The following GRM7 variants were observed in gnomAD, a reference collection of about 807,000 sequenced individuals.
GRM7 encodes metabotropic glutamate receptor 7.
In GRM7, 35 loss-of-function variants were observed where a neutral mutation model predicts 84.5. The ratio of observed to expected loss-of-function variants is 0.41; its 90% CI spans 0.32 to 0.55. GRM7 has a LOEUF of 0.55. Ranked by LOEUF, GRM7 falls within the 20% of genes least tolerant of loss-of-function variation. The probability of loss-of-function intolerance (pLI) is 0.19; values close to 1 mark genes in which losing one functional copy is unlikely to be tolerated. For synonymous variants in GRM7, 487 were observed against 455.1 expected (o/e 1.07, Z -0.89); for missense variants, 1,003 against 1,194.6 (o/e 0.84, Z 2.36).
At chr3:7,118,367 G>GCAA (rs1693111302) in intron 1 of GRM7, among the ~76,000 whole-genome samples, 1 of 151,700 alleles carries the variant, frequency 6.6e-6, no homozygotes, top group South Asian at 2.1e-4. Flanking sequence ...TCCAGCTTGG[G>GCAA]CAACAGCATG....
chr3:7,442,784 T>G (rs779867), intron 5 of GRM7, among the ~76,000 whole-genome samples: 1 of 151,956 alleles, frequency 6.6e-6, no homozygotes, highest in South Asian at 2.1e-4. Context: ...TCTGTAAGAC[T>G]TGACATGAGA....
chr3:7,343,235 T>TTCC (rs1389911192), intron 4 of GRM7, among the ~76,000 whole-genome samples: 10 of 151,858 alleles, frequency 6.6e-5, no homozygotes, highest in African/African-American at 2.4e-4. Flanking sequence ...GTTTTTTTTC[T>TTCC]TCTTCTTCTT....
chr3:7,549,878 C>G (rs1476978508), intron 7 of GRM7, among the ~76,000 whole-genome samples: 2 of 152,162 alleles, frequency 1.3e-5, no homozygotes, highest in African/African-American at 4.8e-5. Context: ...GAAATGTATT[C>G]AAATGGTCCA....
At chr3:7,384,852 G>C (rs1199987258) in intron 4 of GRM7, among the ~76,000 whole-genome samples, 1 of 152,094 alleles carries the variant, frequency 6.6e-6, no homozygotes, top group Non-Finnish European at 1.5e-5. Flanking sequence ...AAAAAAACTG[G>C]CCACACTTCC....
At chr3:6,983,763 T>A (rs1187848878) in intron 1 of GRM7, among the ~76,000 whole-genome samples, 1 of 151,886 alleles carries the variant, frequency 6.6e-6, no homozygotes, top group Non-Finnish European at 1.5e-5. Context: ...AAGCACATTA[T>A]TTTTTTTCTA....
intron 1 of GRM7, among the ~76,000 whole-genome samples, chr3:6,868,560 A>G (rs1012097507): frequency 6.6e-6 from 1 of 152,202 alleles, no homozygotes; most frequent in Non-Finnish European, 1.5e-5. Context: ...AATAAATGAG[A>G]AAAGATGTTT....
chr3:7,622,921 A>T (rs1697428581), intron 8 of GRM7, among the ~76,000 whole-genome samples: 2 of 152,212 alleles, frequency 1.3e-5, no homozygotes, highest in South Asian at 4.1e-4. Flanking sequence ...AAGCTGAAGG[A>T]GGTTCCAGGG....
chr3:7,645,691 G>A (rs577550549), intron 8 of GRM7, among the ~76,000 whole-genome samples: 2 of 152,258 alleles, frequency 1.3e-5, no homozygotes, highest in Non-Finnish European at 2.9e-5. Context: ...CTGGAGTGCA[G>A]TGTTGGAAGC....
chr3:7,006,914 A>G (rs943472046), intron 1 of GRM7, among the ~76,000 whole-genome samples: 9 of 152,224 alleles, frequency 5.9e-5, no homozygotes, highest in Non-Finnish European at 1.5e-5. Context: ...AATAATAACG[A>G]TAAATAAAGC....
chr3:7,061,750 C>T (rs1462472360), intron 1 of GRM7, among the ~76,000 whole-genome samples: 1 of 151,596 alleles, frequency 6.6e-6, no homozygotes, highest in East Asian at 1.9e-4. Flanking sequence ...CATACACAAC[C>T]TCATGTAATA....
Position 7,703,007 on chromosome 3 carries a change from C to T in GRM7, c.2698+22712C>T, listed in dbSNP as rs191911068. Among the ~76,000 whole-genome samples the T allele has an allele frequency of 2.8e-3, 427 of 152,218 alleles. 7 individuals carry two copies. The highest frequency in any genetic ancestry group is 0.021 in the Middle Eastern group (6 of 292). On this transcript the variant is annotated intron_variant, in intron 9 of 9. Coordinates refer to ENST00000357716, the MANE Select transcript of GRM7 (RefSeq NM_000844.4). Reference sequence around the variant, plus strand: ...ATGGTTCTCAGTACTGACTGCTCATCTGAATCACTTGGACACCTTTTAACA... The same window carrying T: ...ATGGTTCTCAGTACTGACTGCTCATTTGAATCACTTGGACACCTTTTAACA...
chr3:7,510,897 T>C (rs1389668454), intron 7 of GRM7, among the ~76,000 whole-genome samples: 1 of 152,168 alleles, frequency 6.6e-6, no homozygotes, highest in Non-Finnish European at 1.5e-5. Context: ...GTGGAATAAC[T>C]GTGACTGAGA....
At chr3:7,533,578 AG>A (rs992825627) in intron 7 of GRM7, among the ~76,000 whole-genome samples, 3 of 152,152 alleles carry the variant, frequency 2.0e-5, no homozygotes, top group Admixed American at 2.0e-4. Flanking sequence ...GGAGCAAGCC[AG>A]GCTCTCCAAT....
chr3:7,012,477 T>C (rs1025714584), intron 1 of GRM7, among the ~76,000 whole-genome samples: 2 of 152,048 alleles, frequency 1.3e-5, no homozygotes, highest in African/African-American at 4.8e-5. Flanking sequence ...ATAGCCCTCA[T>C]TGACATATTT....
At chr3:7,256,518 C>T (rs931826312) in intron 2 of GRM7, among the ~76,000 whole-genome samples, 8 of 152,200 alleles carry the variant, frequency 5.3e-5, no homozygotes, top group Non-Finnish European at 1.2e-4. Flanking sequence ...TGTTATGCTC[C>T]AGTAAGACAA....
intron 7 of GRM7, among the ~76,000 whole-genome samples, chr3:7,544,521 G>A (rs540717019): frequency 2.6e-5 from 4 of 152,054 alleles, no homozygotes; most frequent in Admixed American, 6.5e-5. Flanking sequence ...GGAGATCCTG[G>A]GTAGTTCCCA....
chr3:6,904,708 G>T (rs929586582), intron 1 of GRM7, among the ~76,000 whole-genome samples: 1 of 151,606 alleles, frequency 6.6e-6, no homozygotes, highest in Non-Finnish European at 1.5e-5. Flanking sequence ...TAATCATCAT[G>T]ACTTCCTTAT....
At position 7,176,999 on chromosome 3, in the gene GRM7, A is replaced by G. The variant is rs1303978357; in HGVS notation, c.736+30331A>G. Among the ~76,000 whole-genome samples, 80 of 152,224 alleles carry G rather than the reference A, an allele frequency of 5.3e-4. 1 individual carries two copies. The highest frequency in any genetic ancestry group is 5.9e-5 in the Non-Finnish European group (4 of 68,042). On this transcript the variant is annotated intron_variant, in intron 2 of 9. Coordinates refer to ENST00000357716, the MANE Select transcript of GRM7 (RefSeq NM_000844.4). ...AATCAGTGCCATTCAGTACAAACTAAGTTCCAGCCAGAGTAAGCTTGTCAG... is the reference window on the plus strand; with the variant it reads ...AATCAGTGCCATTCAGTACAAACTAGGTTCCAGCCAGAGTAAGCTTGTCAG...
intron 1 of GRM7, among the ~76,000 whole-genome samples, chr3:6,913,065 A>C (rs1696826302): frequency 6.6e-6 from 1 of 152,204 alleles, no homozygotes; most frequent in African/African-American, 2.4e-5. Flanking sequence ...AAATTCACTG[A>C]AGGAGTTCAT....
Sources: gnomAD v4.1 joint callset for allele counts (sites outside exome capture counted in the v4.1 genomes callset) on GRCh38, gnomAD v4.1.1 for gene constraint, MANE v1.5 for transcripts, NCBI Gene and HGNC (gene_info 2026-07-23, HGNC 2026-07-21) for gene names.